The following ZFHX3 variants were observed in gnomAD, a reference collection of about 807,000 sequenced individuals.
The protein encoded by ZFHX3 is zinc finger homeobox protein 3.
Under a neutral mutation model 279.1 loss-of-function variants are expected in ZFHX3, and 42 were observed. The ratio of observed to expected loss-of-function variants is 0.15; its 90% CI spans 0.12 to 0.19. The LOEUF (loss-of-function observed/expected upper bound fraction) is 0.19, where lower values mean the gene tolerates loss of function less well. Ranked by LOEUF, ZFHX3 falls within the 10% of genes least tolerant of loss-of-function variation. The pLI is 1.00. For synonymous variants in ZFHX3, 2,293 were observed against 1,957.8 expected (o/e 1.17, Z -4.52); for missense variants, 4,981 against 4,754.0 (o/e 1.05, Z -1.40).
At chr16:73,473,368 A>C (rs1208987102) in intron 2 of ZFHX3, among the ~76,000 whole-genome samples, 1 of 151,046 alleles carries the variant, frequency 6.6e-6, no homozygotes, top group Non-Finnish European at 1.5e-5. Flanking sequence ...CAAAAAAAAA[A>C]AAAACAAAAT....
At chr16:73,129,552 C>T (rs1001943551) in intron 7 of ZFHX3, among the ~76,000 whole-genome samples, 3 of 151,900 alleles carry the variant, frequency 2.0e-5, no homozygotes, top group Non-Finnish European at 4.4e-5. Flanking sequence ...ATGCTGGTTG[C>T]TTGAGAAATG....
intron 7 of ZFHX3, among the ~76,000 whole-genome samples, chr16:73,105,458 T>TACACACACACATATATATATATA (rs1396464674): frequency 1.6e-5 from 1 of 63,518 alleles, no homozygotes; most frequent in Non-Finnish European, 3.4e-5. Context: ...TATATATATA[T>TACACACACACATATATATATATA]TTTTTCCCCC....
intron 3 of ZFHX3, among the ~76,000 whole-genome samples, chr16:73,444,704 C>T (rs1003694349): frequency 6.6e-6 from 1 of 152,212 alleles, no homozygotes; most frequent in Non-Finnish European, 1.5e-5. Flanking sequence ...CAGATAGCAA[C>T]TGATGGGGAT....
chr16:73,534,248 T>G (rs2019855998), intron 2 of ZFHX3, among the ~76,000 whole-genome samples: 2 of 152,222 alleles, frequency 1.3e-5, no homozygotes, highest in African/African-American at 4.8e-5. Context: ...GCCTTTGTAC[T>G]TGCAGTTCTC....
At chr16:73,816,262 T>A (rs533620559) in intron 1 of ZFHX3, among the ~76,000 whole-genome samples, 1 of 152,178 alleles carries the variant, frequency 6.6e-6, no homozygotes, top group East Asian at 1.9e-4. Flanking sequence ...TGAAGATGAC[T>A]GAGTCATGAA....
intron 4 of ZFHX3, among the ~76,000 whole-genome samples, chr16:73,304,681 A>G (rs1416424607): frequency 6.6e-6 from 1 of 152,156 alleles, no homozygotes; most frequent in Non-Finnish European, 1.5e-5. Flanking sequence ...GGCCAACATT[A>G]CAGACTCAAG....
intron 1 of ZFHX3, among the ~76,000 whole-genome samples, chr16:72,968,711 C>T (rs905879534): frequency 3.3e-5 from 5 of 152,164 alleles, no homozygotes; most frequent in African/African-American, 7.2e-5. Flanking sequence ...GATCCGCCCA[C>T]CTCAGCCTGT....
At chr16:73,280,201 A>C (rs1031987515) in intron 4 of ZFHX3, among the ~76,000 whole-genome samples, 2 of 152,184 alleles carry the variant, frequency 1.3e-5, no homozygotes, top group Admixed American at 1.3e-4. Flanking sequence ...GATCCTTGAT[A>C]TTGGATGTAA....
chr16:73,286,824 T>A (rs1347231542), intron 4 of ZFHX3, among the ~76,000 whole-genome samples: 1 of 137,634 alleles, frequency 7.3e-6, no homozygotes, highest in Non-Finnish European at 1.6e-5. Flanking sequence ...GCTGTGTGGG[T>A]CGGTGTGTGG....
intron 3 of ZFHX3, among the ~76,000 whole-genome samples, chr16:73,373,075 C>T (rs1428299540): frequency 6.6e-6 from 1 of 151,974 alleles, no homozygotes; most frequent in Non-Finnish European, 1.5e-5. Context: ...TCTAACTTTT[C>T]CAGTGTGAAA....
chr16:73,143,694 G>A (rs1200081938), intron 6 of ZFHX3: 13 of 1,226,800 alleles, frequency 1.1e-5, no homozygotes, highest in African/African-American at 4.7e-5. Context: ...TTTTGACTGC[G>A]TTAACTCACC....
At chr16:73,050,468 G>A (rs1028466404), upstream of ZFHX3, among the ~76,000 whole-genome samples, 3 of 152,220 alleles carry the variant, frequency 2.0e-5, no homozygotes, top group African/African-American at 4.8e-5. Flanking sequence ...TCCACAGGCA[G>A]GTGATCTATG....
At chr16:73,819,585 T>C (rs1164329969) in intron 1 of ZFHX3, among the ~76,000 whole-genome samples, 1 of 152,128 alleles carries the variant, frequency 6.6e-6, no homozygotes, top group East Asian at 1.9e-4. Context: ...CTGTACCTGT[T>C]GATCTTAACC....
At chr16:72,798,801 C>A in intron 8 of ZFHX3, 87 bp from the exon 9 acceptor site, 1 of 1,471,734 alleles carries the variant, frequency 6.8e-7, no homozygotes. Flanking sequence ...CCTAGTCAGG[C>A]CTCATGAACA....
Position 72,797,275 on chromosome 16 carries a change from G to A in ZFHX3, c.5407C>T (p.Pro1803Ser), listed in dbSNP as rs2143448629. 1 of 1,611,326 alleles carries A rather than the reference G, an allele frequency of 6.2e-7. No individual in the cohort carries two copies. The highest frequency in any genetic ancestry group is 8.5e-7 in the Non-Finnish European group (1 of 1,178,244). Residue 1803 changes from proline (P) to serine (S), a missense_variant, in exon 9 of 10, where the codon CCC becomes TCC. Physicochemically the swap from Pro to Ser is moderately conservative, Grantham distance 74. Transcript: ENST00000268489. ...QQHLLFPFYI[P>S]SAEFQLNPEV... ...GGGTTAAGCTGGAACTCAGCACTGG[G>A]GATGTAGAAAGGGAAGAGGAGGTGC...
intron 3 of ZFHX3, among the ~76,000 whole-genome samples, chr16:72,938,102 G>A (rs967214532): frequency 2.6e-5 from 4 of 152,250 alleles, no homozygotes; most frequent in Non-Finnish European, 5.9e-5. Flanking sequence ...AGAGACCAGC[G>A]TGGTGCCAAA....
intron 5 of ZFHX3, among the ~76,000 whole-genome samples, chr16:73,202,722 C>T (rs990106592): frequency 6.6e-6 from 1 of 152,040 alleles, no homozygotes; most frequent in Non-Finnish European, 1.5e-5. Flanking sequence ...TCATGTGATG[C>T]ACTTTTCACA....
intron 4 of ZFHX3, among the ~76,000 whole-genome samples, chr16:72,857,502 T>C (rs965648019): frequency 3.3e-5 from 5 of 152,136 alleles, no homozygotes; most frequent in African/African-American, 9.7e-5. Flanking sequence ...CTGTGCAACA[T>C]AGCGAGACTT....
intron 7 of ZFHX3, among the ~76,000 whole-genome samples, chr16:73,094,893 G>C (rs1308559456): frequency 6.6e-6 from 1 of 152,002 alleles, no homozygotes; most frequent in Non-Finnish European, 1.5e-5. Flanking sequence ...TATTTTTATA[G>C]AGATAGGGTT....
Sources: gnomAD v4.1 joint callset for allele counts (sites outside exome capture counted in the v4.1 genomes callset) on GRCh38, gnomAD v4.1.1 for gene constraint, MANE v1.5 for transcripts, NCBI Gene and HGNC (gene_info 2026-07-23, HGNC 2026-07-21) for gene names.